Variants in SNTB1 observed in about 807,000 individuals in gnomAD.
The protein encoded by SNTB1 is syntrophin beta 1.
SNTB1 carries 36 observed loss-of-function variants against 48.9 expected under a neutral mutation model. That is an observed-to-expected ratio of 0.74 (90% CI 0.56 to 0.97). The LOEUF (loss-of-function observed/expected upper bound fraction) is 0.97. Ranked by LOEUF, SNTB1 falls within the 50% of genes least tolerant of loss-of-function variation. The pLI, the probability that SNTB1 is intolerant of heterozygous loss-of-function variation, is 0.00. For missense variants in SNTB1, 786 were observed against 703.4 expected, an observed-to-expected ratio of 1.12 and a Z score of -1.33; for synonymous variants, 299 against 294.6, an observed-to-expected ratio of 1.01 and a Z score of -0.15.
chr8:120,811,163 C>T, intron 1 of SNTB1, 110 bp downstream of exon 1: 2 of 1,425,942 alleles, frequency 1.4e-6, no homozygotes, highest in South Asian at 1.4e-5. Context: ...CACCCGGCCC[C>T]CTGGGGTGTG....
intron 2 of SNTB1, among the ~76,000 whole-genome samples, chr8:120,666,614 G>A (rs1008791587): frequency 6.6e-5 from 10 of 152,092 alleles, no homozygotes; most frequent in Non-Finnish European, 7.4e-5. Context: ...TTGAGCTTCT[G>A]TGGACCTGGG....
At chr8:120,797,003 G>A (rs1820129603) in intron 1 of SNTB1, among the ~76,000 whole-genome samples, 1 of 151,960 alleles carries the variant, frequency 6.6e-6, no homozygotes, top group South Asian at 2.1e-4. Context: ...AGCTGAGAAT[G>A]GAATTTTACA....
chr8:120,641,011 T>G (rs202106616), intron 2 of SNTB1, among the ~76,000 whole-genome samples: 1 of 152,132 alleles, frequency 6.6e-6, no homozygotes, highest in Non-Finnish European at 1.5e-5. Context: ...GTCCTGGACT[T>G]TTTTTGGTTG....
chr8:120,660,540 G>A (rs1305483389), intron 2 of SNTB1, among the ~76,000 whole-genome samples: 1 of 152,184 alleles, frequency 6.6e-6, no homozygotes, highest in Non-Finnish European at 1.5e-5. Context: ...GTGGTGGTTG[G>A]TTTGATCTTT....
chr8:120,614,853 C>T lies in SNTB1; in HGVS notation c.996+17591G>A, dbSNP rs1010558628. On this transcript the variant is annotated intron_variant, in intron 3 of 6. Transcript: ENST00000517992. ...CCATGAAACAGGCATTCTACCAACA[C>T]GGCTCTTCTAATTGCTCACGTTTAT... Among the ~76,000 whole-genome samples, 5 of 151,726 alleles carry T rather than the reference C, an allele frequency of 3.3e-5. No individual in the cohort carries two copies. In the East Asian group the frequency reaches 7.8e-4, roughly 24 times the overall value.
intron 1 of SNTB1, among the ~76,000 whole-genome samples, chr8:120,746,288 TTTC>T (rs1243138177): frequency 6.6e-6 from 1 of 152,194 alleles, no homozygotes; most frequent in Non-Finnish European, 1.5e-5. Context: ...TCCGTATGAT[TTTC>T]TTAATAACAT....
rs147048139 is a variant in SNTB1, at chr8:120,760,943, T to C, written c.571+50330A>G. On this transcript the variant is annotated intron_variant, in intron 1 of 6. Transcript: ENST00000517992. Reference sequence around the variant, plus strand: ...ACCGTAAACAAAGTCAAAAGACAAATAGGAAACAGATTTACAACTAACAAG... The same window carrying C: ...ACCGTAAACAAAGTCAAAAGACAAACAGGAAACAGATTTACAACTAACAAG... 5.1e-3 allele frequency among the ~76,000 whole-genome samples: 776 copies of C among 152,082 alleles called. 9 individuals carry two copies. The highest frequency in any genetic ancestry group is 0.018 in the African/African-American group (754 of 41,488).
intron 2 of SNTB1, among the ~76,000 whole-genome samples, chr8:120,688,491 A>C (rs1000722352): frequency 6.6e-6 from 1 of 152,244 alleles, no homozygotes; most frequent in Non-Finnish European, 1.5e-5. Flanking sequence ...GTAATAAAAT[A>C]AAAATATGGA....
intron 1 of SNTB1, among the ~76,000 whole-genome samples, chr8:120,696,980 T>G (rs1398335892): frequency 6.6e-6 from 1 of 152,156 alleles, no homozygotes; most frequent in Non-Finnish European, 1.5e-5. Flanking sequence ...TAGAGAGAAC[T>G]CCTGGAAGGT....
intron 2 of SNTB1, among the ~76,000 whole-genome samples, chr8:120,690,456 T>C (rs1262019296): frequency 6.6e-6 from 1 of 152,246 alleles, no homozygotes; most frequent in African/African-American, 2.4e-5. Flanking sequence ...TAAAAGTTGC[T>C]GTTTTGTTAT....
intron 2 of SNTB1, among the ~76,000 whole-genome samples, chr8:120,685,998 C>T (rs747843581): frequency 1.3e-5 from 2 of 152,160 alleles, no homozygotes; most frequent in Non-Finnish European, 2.9e-5. Flanking sequence ...TACCATGTTC[C>T]ACATTTCCAT....
At chr8:120,559,919 A>G (rs946420719) in intron 4 of SNTB1, among the ~76,000 whole-genome samples, 1 of 140,238 alleles carries the variant, frequency 7.1e-6, no homozygotes, top group African/African-American at 2.6e-5. Flanking sequence ...AGCAGATGCC[A>G]CAATGCAAGC....
At chr8:120,590,041 C>T (rs565093918) in intron 3 of SNTB1, among the ~76,000 whole-genome samples, 1 of 152,320 alleles carries the variant, frequency 6.6e-6, no homozygotes, top group Non-Finnish European at 1.5e-5. Flanking sequence ...GAGTCTTCCA[C>T]CTCCACCCCA....
At chr8:120,766,196 T>G (rs75224513) in intron 1 of SNTB1, among the ~76,000 whole-genome samples, 3,499 of 152,262 alleles carry the variant, frequency 0.023, 136 homozygotes, top group African/African-American at 0.08. Context: ...CATCTCTCCC[T>G]CCTTCACTTT....
At position 120,674,506 on chromosome 8, in the gene SNTB1, A is replaced by G. The variant is rs1487851575; in HGVS notation, c.788+19186T>C. ...ACAGATATAAGGAGTTGAGGCATTG[A>G]GACTCAAGTTGGCAAAGCTCATAGC... On this transcript the variant is annotated intron_variant, in intron 2 of 6. Coordinates refer to ENST00000517992, the MANE Select transcript of SNTB1 (RefSeq NM_021021.4). Among the ~76,000 whole-genome samples, 10 of 152,342 alleles carry G rather than the reference A, an allele frequency of 6.6e-5. No individual in the cohort carries two copies. In the East Asian group the frequency reaches 1.9e-3, roughly 29 times the overall value.
At chr8:120,744,497 C>A (rs554816742) in intron 1 of SNTB1, among the ~76,000 whole-genome samples, 5 of 152,220 alleles carry the variant, frequency 3.3e-5, no homozygotes, top group Non-Finnish European at 7.4e-5. Flanking sequence ...AAATGCAAAC[C>A]TTTCAGTTAC....
At chr8:120,656,470 TA>T (rs977069374) in intron 2 of SNTB1, among the ~76,000 whole-genome samples, 43 of 152,186 alleles carry the variant, frequency 2.8e-4, no homozygotes, top group African/African-American at 8.0e-4. Context: ...ATGTCAAAAC[TA>T]AAGAAAATAT....
intron 2 of SNTB1, among the ~76,000 whole-genome samples, chr8:120,669,130 T>C (rs957924673): frequency 3.3e-5 from 5 of 152,222 alleles, no homozygotes; most frequent in African/African-American, 1.2e-4. Flanking sequence ...CATTGACCTT[T>C]CATGAGTTGG....
chr8:120,646,655 G>C (rs1313345971), intron 2 of SNTB1, among the ~76,000 whole-genome samples: 4 of 151,758 alleles, frequency 2.6e-5, no homozygotes, highest in Admixed American at 6.6e-5. Context: ...GCCCGGCTTT[G>C]GTATCAGAAT....
Sources: gnomAD v4.1 joint callset for allele counts (sites outside exome capture counted in the v4.1 genomes callset) on GRCh38, gnomAD v4.1.1 for gene constraint, MANE v1.5 for transcripts, NCBI Gene and HGNC (gene_info 2026-07-23, HGNC 2026-07-21) for gene names.